NSUN3: variants seen among roughly 807,000 people sequenced by gnomAD.
The protein encoded by NSUN3 is tRNA (cytosine(34)-C(5))-methyltransferase, mitochondrial.
NSUN3 carries 24 observed loss-of-function variants against 36.8 expected under a neutral mutation model. The observed-to-expected ratio is 0.65, with a 90% CI of 0.47 to 0.92. The LOEUF (loss-of-function observed/expected upper bound fraction) is 0.92, where lower values mean the gene tolerates loss of function less well. NSUN3 is among the 40% of genes least tolerant of loss of function. The pLI, the probability that NSUN3 is intolerant of heterozygous loss-of-function variation, is 0.00. For synonymous variants in NSUN3, 146 were observed against 145.2 expected (o/e 1.01, Z -0.04); for missense variants, 381 against 392.8 (o/e 0.97, Z 0.25).
chr3:94,065,391 C>CT (rs1395718393), intron 2 of NSUN3, among the ~76,000 whole-genome samples: 3 of 152,222 alleles, frequency 2.0e-5, no homozygotes, highest in East Asian at 1.9e-4. Context: ...ACTAGGCCTC[C>CT]TAGGTTGAGG....
At chr3:94,077,296 C>T (rs752573553) in intron 2 of NSUN3, 108 of 505,204 alleles carry the variant, frequency 2.1e-4, no homozygotes, top group Non-Finnish European at 9.0e-5. Context: ...AAGTTGACAT[C>T]GTGGTGGATA....
At chr3:94,101,433 A>T (rs1048443357) in intron 5 of NSUN3, among the ~76,000 whole-genome samples, 6 of 152,128 alleles carry the variant, frequency 3.9e-5, no homozygotes, top group Non-Finnish European at 8.8e-5. Context: ...AACATGAAAA[A>T]CTTATTGGAA....
At position 94,063,088 on chromosome 3, in the gene NSUN3, T is replaced by C. The variant is rs751949268; in HGVS notation, c.-39T>C. 1.9e-6 allele frequency: 3 copies of C among 1,613,812 alleles called. No homozygotes were observed. Among genetic ancestry groups the C allele is most frequent in the Non-Finnish European group, 2.5e-6 (3 of 1,179,754 alleles). ...TTCCCTGGAGGCTTTTTGATACTGA[T>C]TCGCGTACACCTGTTGTTTGAAAGC... On this transcript the variant is annotated 5_prime_UTR_variant, in exon 1 of 6. Coordinates refer to ENST00000314622, the MANE Select transcript of NSUN3 (RefSeq NM_022072.5).
Position 94,130,563 on chromosome 3 carries a change from A to G in NSUN3, c.*4073A>G, listed in dbSNP as rs2077505541. Reference sequence around the variant, plus strand: ...AAAATGTTCTAAAACTAGAAAAAACATGGTCTTGTAACATGTTATTTTCTT... The same window carrying G: ...AAAATGTTCTAAAACTAGAAAAAACGTGGTCTTGTAACATGTTATTTTCTT... On this transcript the variant is annotated 3_prime_UTR_variant, in exon 6 of 6. Coordinates refer to ENST00000314622, the MANE Select transcript of NSUN3 (RefSeq NM_022072.5). Among the ~76,000 whole-genome samples the G allele has an allele frequency of 6.6e-6, 1 of 152,204 alleles. No individual in the cohort carries two copies. The highest frequency in any genetic ancestry group is 2.4e-5 in the African/African-American group (1 of 41,460).
chr3:94,066,839 A>G (rs1001201198), intron 2 of NSUN3, among the ~76,000 whole-genome samples: 10 of 152,080 alleles, frequency 6.6e-5, no homozygotes, highest in Non-Finnish European at 1.3e-4. Flanking sequence ...TTTTATCTCA[A>G]TTAAGTGTAT....
intron 5 of NSUN3, among the ~76,000 whole-genome samples, chr3:94,097,847 T>C (rs982610375): frequency 2.6e-5 from 4 of 152,196 alleles, no homozygotes; most frequent in Non-Finnish European, 5.9e-5. Context: ...TTTAGCCTAC[T>C]GATATTGATC....
Position 94,064,490 on chromosome 3 carries a change from G to A in NSUN3, c.66G>A (p.Leu22=). 1.2e-6 allele frequency: 2 copies of A among 1,613,934 alleles called. No individual in the cohort carries two copies. The highest frequency in any genetic ancestry group is 1.7e-6 in the Non-Finnish European group (2 of 1,179,902). The stretch of plus-strand genomic sequence containing the variant: ...CAAAACAGATTTGCAAAGTTGTGTT[G>A]GATCATTTTGAAAAACAGTATTCCA... ...KLAKQICKVV[L]DHFEKQYSKE... is the part of the protein sequence containing the mutation. The change falls in exon 2 of 6, where the codon TTG becomes TTA. Residue 22 remains leucine, a synonymous_variant. Coordinates refer to ENST00000314622, the MANE Select transcript of NSUN3 (RefSeq NM_022072.5).
chr3:94,117,332 C>T (rs2077444752), intron 5 of NSUN3, among the ~76,000 whole-genome samples: 1 of 151,976 alleles, frequency 6.6e-6, no homozygotes, highest in African/African-American at 2.4e-5. Context: ...CTGTAGGTTA[C>T]AGAGCTTTTT....
chr3:94,063,443 C>A, intron 1 of NSUN3: 3 of 390,746 alleles, frequency 7.7e-6, no homozygotes, highest in African/African-American at 2.0e-5. Flanking sequence ...ACATAGTAGG[C>A]ATTGAATACA....
intron 5 of NSUN3, among the ~76,000 whole-genome samples, chr3:94,109,430 A>G (rs930838139): frequency 3.3e-5 from 5 of 152,196 alleles, no homozygotes; most frequent in African/African-American, 1.2e-4. Flanking sequence ...GAGATTTATT[A>G]TTGGAATTAG....
At chr3:94,096,105 C>G (rs1560035967) in intron 5 of NSUN3, among the ~76,000 whole-genome samples, 1 of 151,936 alleles carries the variant, frequency 6.6e-6, no homozygotes, top group Non-Finnish European at 1.5e-5. Context: ...TTAAATGGTG[C>G]CTTAATCACT....
intron 2 of NSUN3, chr3:94,082,250 C>A (rs1449983369): frequency 6.6e-6 from 1 of 152,186 alleles, no homozygotes; most frequent in Non-Finnish European, 1.5e-5. Context: ...CAGTCTCCCC[C>A]AAAGTGTGGT....
chr3:94,109,600 C>T (rs1472286530), intron 5 of NSUN3, among the ~76,000 whole-genome samples: 1 of 152,300 alleles, frequency 6.6e-6, no homozygotes, highest in East Asian at 1.9e-4. Context: ...AAACACGTCT[C>T]TTCTCTGCAC....
chr3:94,128,059 TA>T lies in NSUN3; in HGVS notation c.*1574del, dbSNP rs1160031624. The T allele has an allele frequency of 6.6e-6, 1 of 151,900 alleles. No homozygotes were observed. Among genetic ancestry groups the T allele is most frequent in the African/African-American group, 2.4e-5 (1 of 41,334 alleles). The allele number at this position is 151,900 out of a possible 1,614,324, so 9.4% of individuals were successfully genotyped here. A position where few individuals can be genotyped will look rare whatever the true frequency, so the allele number is the denominator to read the frequency against. On this transcript the variant is annotated 3_prime_UTR_variant, in exon 6 of 6. Coordinates refer to ENST00000314622, the MANE Select transcript of NSUN3 (RefSeq NM_022072.5). ...CAACATGGTAAAACCCCGACTCTAC[TA>T]AAAATGCAAAAAAATTAGACAGGCA...
rs778194142 is a variant in NSUN3, at chr3:94,094,247, T to C, written c.574T>C (p.Leu192=). 1.5e-5 allele frequency: 24 copies of C among 1,613,616 alleles called. No individual in the cohort carries two copies. Among genetic ancestry groups the C allele is most frequent in the East Asian group, 6.7e-5 (3 of 44,862 alleles). The change falls in exon 4 of 6, where the codon TTG becomes CTG. Residue 192 remains leucine (L), a synonymous_variant. Transcript: ENST00000314622. ...GATAAATGTAATTAAAGTGTCTGAA[T>C]TGGATGGCAGAAAAATGGGAGATGC... ...PLINVIKVSE[L]DGRKMGDAQP... is the part of the protein sequence containing the mutation.
At position 94,128,545 on chromosome 3, in the gene NSUN3, A is replaced by G. The variant is rs2077496998; in HGVS notation, c.*2055A>G. On this transcript the variant is annotated 3_prime_UTR_variant, in exon 6 of 6. Coordinates refer to ENST00000314622, the MANE Select transcript of NSUN3 (RefSeq NM_022072.5). ...TTTACTTTCCTATGATTACTGAAAA[A>G]TGGATGCACGTGTGTGTGTGTGTGT... The G allele has an allele frequency of 7.0e-6, 1 of 143,532 alleles. No individual in the cohort carries two copies. Among genetic ancestry groups the G allele is most frequent in the Admixed American group, 7.3e-5 (1 of 13,622 alleles). 8.9% of individuals were successfully genotyped at this position (143,532 alleles called of 1,614,324 possible). A position where few individuals can be genotyped will look rare whatever the true frequency, so the allele number is the denominator to read the frequency against.
chr3:94,074,626 A>G (rs962234135), intron 2 of NSUN3, among the ~76,000 whole-genome samples: 1 of 152,072 alleles, frequency 6.6e-6, no homozygotes, highest in African/African-American at 2.4e-5. Context: ...GGTATATAGG[A>G]ATGCTTGTGA....
chr3:94,081,588 C>T (rs916810285), intron 2 of NSUN3: 1 of 152,186 alleles, frequency 6.6e-6, no homozygotes, highest in Non-Finnish European at 1.5e-5. Context: ...CTGAAACTTC[C>T]TTTCTCATTT....
At chr3:94,109,955 G>T (rs1467145510) in intron 5 of NSUN3, among the ~76,000 whole-genome samples, 1 of 152,006 alleles carries the variant, frequency 6.6e-6, no homozygotes, top group Non-Finnish European at 1.5e-5. Flanking sequence ...GATTAGTTTT[G>T]CCTGTTCTCA....
Sources: gnomAD v4.1 joint callset for allele counts (sites outside exome capture counted in the v4.1 genomes callset) on GRCh38, gnomAD v4.1.1 for gene constraint, MANE v1.5 for transcripts, NCBI Gene and HGNC (gene_info 2026-07-23, HGNC 2026-07-21) for gene names.